SIDT1: variants seen among roughly 807,000 people sequenced by gnomAD.
The protein encoded by SIDT1 is SID1 transmembrane family member 1.
In SIDT1, 101 loss-of-function variants were observed where a neutral mutation model predicts 107.5. That is an observed-to-expected ratio of 0.94 (90% CI 0.80 to 1.11). The LOEUF (loss-of-function observed/expected upper bound fraction) is 1.11, where lower values mean the gene tolerates loss of function less well. Among genes scored for constraint, SIDT1 ranks in the 50% least tolerant of loss-of-function variants. The pLI is 0.00. For missense variants in SIDT1, 1,076 were observed against 1,058.2 expected, an observed-to-expected ratio of 1.02 and a Z score of -0.23; for synonymous variants, 395 against 398.2, an observed-to-expected ratio of 0.99 and a Z score of 0.10.
At chr3:113,543,267 A>G (rs1465437576) in intron 1 of SIDT1, among the ~76,000 whole-genome samples, 2 of 152,122 alleles carry the variant, frequency 1.3e-5, no homozygotes, top group Non-Finnish European at 2.9e-5. Context: ...AGAATTCATG[A>G]GGCCAACACT....
chr3:113,555,278 G>T (rs1940719032), intron 1 of SIDT1, among the ~76,000 whole-genome samples: 1 of 152,044 alleles, frequency 6.6e-6, no homozygotes, highest in Admixed American at 6.6e-5. Context: ...TCTATGTCAT[G>T]CAATCCCACA....
rs536058298 is a variant in SIDT1 at position 113,614,150 on chromosome 3, C to T, written c.1967-1950C>T. Among the ~76,000 whole-genome samples the T allele has an allele frequency of 3.9e-5, 6 of 152,282 alleles. No homozygotes were observed. The South Asian group carries it at 6.2e-4, about 16-fold the overall frequency. On this transcript the variant is annotated intron_variant, in intron 19 of 24. Transcript: ENST00000264852. The stretch of plus-strand genomic sequence containing the variant: ...GAAAGGAACAGTGACCTTTCATGGA[C>T]GTTCTGACCAGCCTGCGGTAACCTC...
intron 8 of SIDT1, 60 bp from the exon 9 acceptor site, chr3:113,585,117 C>T: frequency 8.3e-7 from 1 of 1,200,982 alleles, no homozygotes; most frequent in South Asian, 1.2e-5. Flanking sequence ...CGTCCTGTCT[C>T]AGATGGAGTC....
chr3:113,611,625 T>A (rs1344932201), intron 18 of SIDT1, among the ~76,000 whole-genome samples: 1 of 152,184 alleles, frequency 6.6e-6, no homozygotes, highest in Non-Finnish European at 1.5e-5. Context: ...CCGGCCTAGT[T>A]GGTTATTTTA....
rs771684117 is a variant in SIDT1, at chr3:113,601,635, G to T, written c.1093G>T (p.Glu365Ter). 1.2e-6 allele frequency: 2 copies of T among 1,613,774 alleles called. No homozygotes were observed. Among genetic ancestry groups the T allele is most frequent in the Non-Finnish European group, 8.5e-7 (1 of 1,179,700 alleles). ...ASHPIAASTP[E>*]GSNYGTIDES... is the part of the protein sequence containing the mutation. ...TCATCCCATTGCTGCCAGCACACCC[G>T]AAGGGAGCAATTATGGGACAATAGG... Residue 365 changes from glutamate to a stop codon, truncating the protein, a stop_gained, in exon 11 of 25, where the codon GAA becomes TAA. Transcript: ENST00000264852. LOFTEE classifies it high-confidence loss of function.
chr3:113,594,823 G>A (rs1944422582), intron 10 of SIDT1: 1 of 154,242 alleles, frequency 6.5e-6, no homozygotes, highest in Admixed American at 6.5e-5. Context: ...GAGACTCCTA[G>A]CTCTGGAAGT....
At chr3:113,580,113 G>A (rs1560067257) in intron 4 of SIDT1, among the ~76,000 whole-genome samples, 1 of 152,170 alleles carries the variant, frequency 6.6e-6, no homozygotes, top group Non-Finnish European at 1.5e-5. Flanking sequence ...TGATCAAAAG[G>A]GCAAGGGGGA....
chr3:113,540,535 A>G (rs547984704), intron 1 of SIDT1, among the ~76,000 whole-genome samples: 1 of 152,222 alleles, frequency 6.6e-6, no homozygotes, highest in Non-Finnish European at 1.5e-5. Context: ...ACTGTGCTTT[A>G]AGGTAACATT....
intron 1 of SIDT1, among the ~76,000 whole-genome samples, chr3:113,556,822 T>TTTTTTC (rs1553782957): frequency 2.7e-4 from 1 of 3,756 alleles, no homozygotes; most frequent in Non-Finnish European, 9.4e-4. Context: ...TTTCTTTTTC[T>TTTTTTC]TTTTTTTTTT....
chr3:113,538,019 G>A (rs752862750), intron 1 of SIDT1, among the ~76,000 whole-genome samples: 32 of 152,152 alleles, frequency 2.1e-4, no homozygotes, highest in African/African-American at 7.0e-4. Context: ...CTGGCCTCAC[G>A]TGATCCACCC....
At chr3:113,599,121 C>A (rs1281478377) in intron 10 of SIDT1, among the ~76,000 whole-genome samples, 1 of 151,992 alleles carries the variant, frequency 6.6e-6, no homozygotes, top group African/African-American at 2.4e-5. Context: ...AGAGTGAGAC[C>A]CAGTCTCAAG....
downstream of SIDT1, among the ~76,000 whole-genome samples, chr3:113,630,766 G>A (rs1947086301): frequency 6.6e-6 from 1 of 152,186 alleles, no homozygotes; most frequent in African/African-American, 2.4e-5. Flanking sequence ...GAATGGCAAA[G>A]GTGGAGGTGT....
intron 1 of SIDT1, among the ~76,000 whole-genome samples, chr3:113,565,150 A>G (rs1941782753): frequency 6.6e-6 from 1 of 152,202 alleles, no homozygotes; most frequent in African/African-American, 2.4e-5. Flanking sequence ...CTCATGTGGA[A>G]GATTAAATTT....
At chr3:113,635,764 G>C in the SIDT1 span, among the ~76,000 whole-genome samples, 2 of 151,962 alleles carry the variant, frequency 1.3e-5, no homozygotes, top group African/African-American at 4.8e-5. Context: ...CTTCTCGGGA[G>C]GCTGAGGCAG....
At chr3:113,620,799 A>G (rs1422650977) in intron 21 of SIDT1, among the ~76,000 whole-genome samples, 1 of 152,190 alleles carries the variant, frequency 6.6e-6, no homozygotes, top group Non-Finnish European at 1.5e-5. Context: ...AGAGAGGGCA[A>G]TGGGAGGAGA....
At chr3:113,580,054 T>G (rs1165801013) in intron 4 of SIDT1, among the ~76,000 whole-genome samples, 1 of 152,232 alleles carries the variant, frequency 6.6e-6, no homozygotes, top group Non-Finnish European at 1.5e-5. Flanking sequence ...GGGCTTGGTC[T>G]TTGAATCTCT....
chr3:113,611,577 T>C (rs1945746158), intron 18 of SIDT1, among the ~76,000 whole-genome samples: 1 of 152,202 alleles, frequency 6.6e-6, no homozygotes, highest in African/African-American at 2.4e-5. Context: ...CACCTCGGCC[T>C]CCCAAAGTGT....
chr3:113,541,460 G>A (rs918720593), intron 1 of SIDT1, among the ~76,000 whole-genome samples: 5 of 152,302 alleles, frequency 3.3e-5, no homozygotes, highest in South Asian at 2.1e-4. Flanking sequence ...GTCAGCCTCC[G>A]GGCCCGGCCA....
chr3:113,553,860 A>C (rs1576741253), intron 1 of SIDT1, among the ~76,000 whole-genome samples: 1 of 152,322 alleles, frequency 6.6e-6, no homozygotes, highest in Non-Finnish European at 1.5e-5. Flanking sequence ...AACCTGACCA[A>C]CATGGTGAAA....
Sources: allele counts gnomAD v4.1 joint callset (sites outside exome capture counted in the v4.1 genomes callset), GRCh38; gene constraint gnomAD v4.1.1; transcripts MANE v1.5; gene names NCBI Gene and HGNC (gene_info 2026-07-23, HGNC 2026-07-21).